Variants in PLCG2 observed in about 807,000 individuals in gnomAD.
The protein encoded by PLCG2 is phospholipase C gamma 2, also known as 1-phosphatidylinositol 4,5-bisphosphate phosphodiesterase gamma-2.
In PLCG2, 69 loss-of-function variants were observed where a neutral mutation model predicts 175.6. That is an observed-to-expected ratio of 0.39 (90% CI 0.32 to 0.48). The LOEUF is 0.48. Among genes scored for constraint, PLCG2 ranks in the 20% least tolerant of loss-of-function variants. PLCG2 has a pLI of 0.91. For synonymous variants in PLCG2, 827 were observed against 624.0 expected (o/e 1.33, Z -4.85); for missense variants, 1,798 against 1,650.9 (o/e 1.09, Z -1.54).
chr16:81,806,266 G>A (rs1029875130), intron 2 of PLCG2, among the ~76,000 whole-genome samples: 26 of 151,972 alleles, frequency 1.7e-4, no homozygotes, highest in Admixed American at 9.2e-4. Context: ...ACCTGCTTCC[G>A]TGGTCCCCAA....
intron 9 of PLCG2, among the ~76,000 whole-genome samples, chr16:81,885,382 T>C (rs1346475416): frequency 6.6e-6 from 1 of 152,194 alleles, no homozygotes; most frequent in African/African-American, 2.4e-5. Context: ...CAGGCTGATC[T>C]CCAACTCCTG....
intron 2 of PLCG2, among the ~76,000 whole-genome samples, chr16:81,804,161 C>A (rs761194173): frequency 6.6e-6 from 1 of 152,200 alleles, no homozygotes. Context: ...CATTTACTTT[C>A]CCACCAGCAA....
intron 2 of PLCG2, among the ~76,000 whole-genome samples, chr16:81,836,708 C>T (rs1330552520): frequency 6.6e-6 from 1 of 152,146 alleles, no homozygotes; most frequent in Non-Finnish European, 1.5e-5. Context: ...CCACTGCACT[C>T]CAACCTCAGC....
intron 2 of PLCG2, among the ~76,000 whole-genome samples, chr16:81,841,843 C>G (rs893623656): frequency 6.6e-6 from 1 of 152,194 alleles, no homozygotes; most frequent in African/African-American, 2.4e-5. Context: ...AACCTAACAC[C>G]TTTGGTTTTT....
upstream of PLCG2, among the ~76,000 whole-genome samples, chr16:81,774,455 C>T (rs1296854203): frequency 6.6e-6 from 1 of 152,222 alleles, no homozygotes. Context: ...AGGCCTAACC[C>T]CATTGAAAGC....
chr16:81,911,443 G>T (rs960220291), intron 18 of PLCG2, among the ~76,000 whole-genome samples: 22 of 152,106 alleles, frequency 1.4e-4, no homozygotes, highest in Non-Finnish European at 2.4e-4. Context: ...GGATGAAGAT[G>T]AATCAATTTT....
At chr16:81,912,739 C>T in intron 19 of PLCG2, 23 bp downstream of exon 19, 1 of 1,577,424 alleles carries the variant, frequency 6.3e-7, no homozygotes, top group South Asian at 1.2e-5. Context: ...GTGGGAGGCA[C>T]ATGCTCTACA....
intron 2 of PLCG2, among the ~76,000 whole-genome samples, chr16:81,756,302 G>A (rs1459905401): frequency 2.0e-5 from 3 of 152,222 alleles, no homozygotes; most frequent in Non-Finnish European, 2.9e-5. Flanking sequence ...CTGCTATGCC[G>A]GGCTATTATT....
chr16:81,775,855 T>G (rs1007831606), upstream of PLCG2, among the ~76,000 whole-genome samples: 1 of 152,076 alleles, frequency 6.6e-6, no homozygotes, highest in African/African-American at 2.4e-5. Flanking sequence ...TGTGCATCTA[T>G]GTAGAGTGGT....
At position 81,960,053 on chromosome 16, in the gene PLCG2, T is replaced by A. The variant is rs1911724752; in HGVS notation, c.*2055T>A. 1 of 218,302 alleles carries A rather than the reference T, an allele frequency of 4.6e-6. No homozygotes were observed. Among genetic ancestry groups the A allele is most frequent in the South Asian group, 1.8e-4 (1 of 5,414 alleles). The allele number at this position is 218,302 out of a possible 1,614,324, so 13.5% of individuals were successfully genotyped here. On this transcript the variant is annotated 3_prime_UTR_variant, in exon 33 of 33. Coordinates refer to ENST00000564138, the MANE Select transcript of PLCG2 (RefSeq NM_002661.5). Reference sequence around the variant, plus strand: ...AAATCCATGCGTGGCCAAAGAGAAGTCAGGGGATTATGACATAAATGGTGC... The same window carrying A: ...AAATCCATGCGTGGCCAAAGAGAAGACAGGGGATTATGACATAAATGGTGC...
At chr16:81,943,799 A>C (rs973398299) in intron 30 of PLCG2, among the ~76,000 whole-genome samples, 17 of 152,240 alleles carry the variant, frequency 1.1e-4, no homozygotes, top group African/African-American at 3.6e-4. Flanking sequence ...ATAGGTCAGA[A>C]AACTTCTTTA....
intron 23 of PLCG2, among the ~76,000 whole-genome samples, chr16:81,928,145 C>T (rs78835630): frequency 6.6e-6 from 1 of 152,044 alleles, no homozygotes; most frequent in Non-Finnish European, 1.5e-5. Context: ...AAAGCCAGGT[C>T]ATAGAGCATG....
chr16:81,881,075 C>G, intron 8 of PLCG2, 122 bp downstream of exon 8: 1 of 970,682 alleles, frequency 1.0e-6, no homozygotes, highest in Non-Finnish European at 1.6e-6. Context: ...GGGCAGGGGG[C>G]CCCTGCTGGG....
intron 19 of PLCG2, among the ~76,000 whole-genome samples, chr16:81,918,679 T>C (rs969485894): frequency 6.6e-6 from 1 of 152,230 alleles, no homozygotes; most frequent in Non-Finnish European, 1.5e-5. Flanking sequence ...AGTAAGATAG[T>C]GTGCTATCTG....
At chr16:81,928,425 GTA>G (rs1910366619) in intron 23 of PLCG2, 131 bp from the exon 24 acceptor site, 1 of 658,850 alleles carries the variant, frequency 1.5e-6, no homozygotes, top group Non-Finnish European at 2.8e-6. Context: ...CCCCATGGAC[GTA>G]TCTGGTAATG....
At chr16:81,906,518 G>A (rs374101499) in intron 15 of PLCG2, 9 of 152,162 alleles carry the variant, frequency 5.9e-5, no homozygotes, top group South Asian at 2.1e-4. Flanking sequence ...TCCACCTCCC[G>A]GTTGAAGTGA....
intron 2 of PLCG2, among the ~76,000 whole-genome samples, chr16:81,806,652 T>G (rs1419386158): frequency 6.6e-6 from 1 of 151,936 alleles, no homozygotes; most frequent in Non-Finnish European, 1.5e-5. Context: ...ACTGAGTAAA[T>G]TTTTATATAT....
At chr16:81,852,689 A>C (rs1251958681) in intron 2 of PLCG2, among the ~76,000 whole-genome samples, 1 of 152,214 alleles carries the variant, frequency 6.6e-6, no homozygotes, top group Admixed American at 6.5e-5. Context: ...ACAACAAACT[A>C]TCCCAGTGTT....
chr16:81,811,963 T>A (rs1904337976), intron 2 of PLCG2, among the ~76,000 whole-genome samples: 1 of 152,070 alleles, frequency 6.6e-6, no homozygotes, highest in Non-Finnish European at 1.5e-5. Flanking sequence ...CCACAATGGT[T>A]GAACTGATTT....
Sources: gnomAD v4.1 joint callset for allele counts (sites outside exome capture counted in the v4.1 genomes callset) on GRCh38, gnomAD v4.1.1 for gene constraint, MANE v1.5 for transcripts, NCBI Gene and HGNC (gene_info 2026-07-23, HGNC 2026-07-21) for gene names.